The following MATN2 variants were observed in gnomAD, a reference collection of about 807,000 sequenced individuals.
MATN2 encodes the protein matrilin-2.
A neutral mutation model predicts 103.2 loss-of-function variants in MATN2; 69 were observed. The observed-to-expected ratio is 0.67, with a 90% CI of 0.55 to 0.82. The LOEUF is 0.82. Ranked by LOEUF, MATN2 falls within the 40% of genes least tolerant of loss-of-function variation. The probability of loss-of-function intolerance (pLI) is 0.00; values close to 1 mark genes in which losing one functional copy is unlikely to be tolerated. For synonymous variants in MATN2, 429 were observed against 450.2 expected (o/e 0.95, Z 0.60); for missense variants, 1,023 against 1,211.5 (o/e 0.84, Z 2.31).
chr8:97,873,275 G>A (rs147156215), intron 1 of MATN2, among the ~76,000 whole-genome samples: 3 of 151,930 alleles, frequency 2.0e-5, no homozygotes, highest in African/African-American at 7.2e-5. Context: ...AAATCAAAGA[G>A]TTTTAGCTCA....
At chr8:97,887,481 G>T (rs1285068560) in intron 1 of MATN2, among the ~76,000 whole-genome samples, 1 of 152,160 alleles carries the variant, frequency 6.6e-6, no homozygotes, top group Non-Finnish European at 1.5e-5. Flanking sequence ...TATAGGTAAA[G>T]AATTTAGAAT....
At chr8:98,011,615 A>G (rs1813162882) in intron 10 of MATN2, among the ~76,000 whole-genome samples, 1 of 152,204 alleles carries the variant, frequency 6.6e-6, no homozygotes, top group South Asian at 2.1e-4. Flanking sequence ...AAGTTAGCAA[A>G]GGATTGGCTG....
rs200822499 is a variant in MATN2 at position 97,941,791 on chromosome 8, A to G, written c.727A>G (p.Ser243Gly). 6.2e-5 allele frequency: 99 copies of G among 1,600,940 alleles called. 1 individual carries two copies. The highest frequency in any genetic ancestry group is 1.1e-5 in the Non-Finnish European group (13 of 1,173,786). ...QKKLCTAHMCSTLEHNCAHFC... is the reference protein window; with the variant it reads ...QKKLCTAHMCGTLEHNCAHFC... ...TTCCCTTTCAGCGGCCCATATGTGC[A>G]GCACCCTGGAGCATAACTGTGCCCA... Residue 243 changes from serine (S) to glycine (G), a missense_variant, in exon 4 of 19, where the codon AGC becomes GGC. Physicochemically the swap from Ser to Gly is moderately conservative, Grantham distance 56. Coordinates refer to ENST00000254898, the MANE Select transcript of MATN2 (RefSeq NM_002380.5).
chr8:97,969,226 G>T (rs1436901667), intron 5 of MATN2, among the ~76,000 whole-genome samples: 4 of 152,230 alleles, frequency 2.6e-5, no homozygotes, highest in Non-Finnish European at 4.4e-5. Flanking sequence ...ATCTGTCCCT[G>T]TGATCCAATA....
chr8:97,967,112 C>T (rs1037732158), intron 5 of MATN2, among the ~76,000 whole-genome samples: 1 of 152,106 alleles, frequency 6.6e-6, no homozygotes, highest in Non-Finnish European at 1.5e-5. Context: ...ACTAACTGAG[C>T]GAGAAATCAC....
At chr8:97,974,741 A>G (rs1811775443) in intron 5 of MATN2, among the ~76,000 whole-genome samples, 1 of 152,252 alleles carries the variant, frequency 6.6e-6, no homozygotes. Context: ...CACCGCGTCC[A>G]GCCCCAGCCC....
chr8:97,963,420 T>G (rs1811378059), intron 5 of MATN2, among the ~76,000 whole-genome samples: 2 of 152,156 alleles, frequency 1.3e-5, no homozygotes, highest in African/African-American at 2.4e-5. Flanking sequence ...GAAGCCCACC[T>G]TGGCCCATGG....
intron 2 of MATN2, among the ~76,000 whole-genome samples, chr8:97,917,286 G>A (rs1313626036): frequency 6.6e-6 from 1 of 152,204 alleles, no homozygotes; most frequent in Non-Finnish European, 1.5e-5. Context: ...ACACTCACCT[G>A]TCTCTGCTCT....
intron 7 of MATN2, among the ~76,000 whole-genome samples, chr8:97,996,022 T>C (rs904365135): frequency 2.6e-5 from 4 of 152,162 alleles, no homozygotes; most frequent in African/African-American, 9.7e-5. Flanking sequence ...GGAGTGGGTG[T>C]GTGAGGGACT....
At chr8:97,991,207 A>C (rs1812378087) in intron 6 of MATN2, among the ~76,000 whole-genome samples, 1 of 152,162 alleles carries the variant, frequency 6.6e-6, no homozygotes, top group Non-Finnish European at 1.5e-5. Flanking sequence ...TGAGCACTTG[A>C]GATACAGCCA....
chr8:97,913,934 A>C (rs1471568899), intron 2 of MATN2, among the ~76,000 whole-genome samples: 3 of 152,196 alleles, frequency 2.0e-5, no homozygotes, highest in Non-Finnish European at 4.4e-5. Flanking sequence ...TTTCATTTGA[A>C]ATTTGGATTA....
chr8:97,922,013 A>T (rs997597058), intron 2 of MATN2, among the ~76,000 whole-genome samples: 1 of 152,126 alleles, frequency 6.6e-6, no homozygotes, highest in Non-Finnish European at 1.5e-5. Context: ...CGCAAACCCT[A>T]TTGTGAATTG....
chr8:97,940,370 C>T (rs1375260256), intron 3 of MATN2, among the ~76,000 whole-genome samples: 2 of 151,944 alleles, frequency 1.3e-5, no homozygotes, highest in Admixed American at 1.3e-4. Flanking sequence ...TTTGTTTCAC[C>T]CTGAAGTAAA....
chr8:97,900,966 C>T (rs188675544), intron 2 of MATN2, among the ~76,000 whole-genome samples: 9 of 152,222 alleles, frequency 5.9e-5, no homozygotes, highest in African/African-American at 2.2e-4. Context: ...ACTGAGAACC[C>T]TTTTATTCCA....
chr8:97,929,520 G>A (rs10755895), intron 2 of MATN2, among the ~76,000 whole-genome samples: 64,293 of 151,996 alleles, frequency 0.42, 14,764 homozygotes, highest in East Asian at 0.83. Flanking sequence ...AAAGCTGGAG[G>A]CCTCTCATCT....
At chr8:98,034,175 A>G (rs57083504) in intron 18 of MATN2, 4,872 of 455,938 alleles carry the variant, frequency 0.011, 186 homozygotes, top group African/African-American at 0.086. Flanking sequence ...CCTTGGCAGC[A>G]GAGATCTTCT....
intron 1 of MATN2, among the ~76,000 whole-genome samples, chr8:97,871,110 A>G (rs1055019478): frequency 2.1e-4 from 32 of 152,190 alleles, no homozygotes; most frequent in African/African-American, 6.8e-4. Flanking sequence ...AGCAGCTGTC[A>G]TGCCCTAAGC....
chr8:97,928,809 G>A (rs946721320), intron 2 of MATN2, among the ~76,000 whole-genome samples: 4 of 152,162 alleles, frequency 2.6e-5, no homozygotes, highest in African/African-American at 4.8e-5. Context: ...GCTGCCCAAC[G>A]AGGTGGATAT....
intron 7 of MATN2, among the ~76,000 whole-genome samples, chr8:97,998,613 TATGTGCTGCTGAAGCGAGAGCTTCAGCA>T (rs1812679774): frequency 6.7e-6 from 1 of 149,874 alleles, no homozygotes; most frequent in Non-Finnish European, 1.5e-5. Context: ...ATTTTTATTG[TATGTGCTGCTGAAGCGAGAGCTTCAGCA>T]TATTTTTTTA....
Sources: allele counts gnomAD v4.1 joint callset (sites outside exome capture counted in the v4.1 genomes callset), GRCh38; gene constraint gnomAD v4.1.1; transcripts MANE v1.5; gene names NCBI Gene and HGNC (gene_info 2026-07-23, HGNC 2026-07-21).